Variants in FKBP5 observed in about 807,000 individuals in gnomAD.
FKBP5 encodes the protein peptidyl-prolyl cis-trans isomerase FKBP5.
In FKBP5, 23 loss-of-function variants were observed where a neutral mutation model predicts 50.5. The ratio of observed to expected loss-of-function variants is 0.46; its 90% CI spans 0.33 to 0.65. FKBP5 has a LOEUF of 0.65. FKBP5 is among the 30% of genes least tolerant of loss of function. The pLI, the probability that FKBP5 is intolerant of heterozygous loss-of-function variation, is 0.02. For synonymous variants in FKBP5, 176 were observed against 190.6 expected (o/e 0.92, Z 0.63); for missense variants, 411 against 553.1 (o/e 0.74, Z 2.58).
At chr6:35,592,418 C>A (rs181389927) in intron 6 of FKBP5, among the ~76,000 whole-genome samples, 1 of 152,142 alleles carries the variant, frequency 6.6e-6, no homozygotes, top group African/African-American at 2.4e-5. Flanking sequence ...AATAGAGATA[C>A]GAGAGCTGGT....
At chr6:35,726,870 C>G (rs553776393) in intron 1 of FKBP5, among the ~76,000 whole-genome samples, 1 of 152,244 alleles carries the variant, frequency 6.6e-6, no homozygotes, top group African/African-American at 2.4e-5. Flanking sequence ...GAGGAGAGGG[C>G]TCAAAGAAGA....
chr6:35,679,564 A>G (rs1382547660), intron 1 of FKBP5, among the ~76,000 whole-genome samples: 1 of 152,206 alleles, frequency 6.6e-6, no homozygotes, highest in Non-Finnish European at 1.5e-5. Flanking sequence ...AACATGGCAT[A>G]CACACACAAC....
intron 7 of FKBP5, among the ~76,000 whole-genome samples, chr6:35,587,441 T>C (rs901038199): frequency 6.6e-6 from 1 of 152,224 alleles, no homozygotes; most frequent in African/African-American, 2.4e-5. Flanking sequence ...CACACAAAGT[T>C]AAGGCCATGC....
At chr6:35,645,463 A>G (rs1764604798) in intron 1 of FKBP5, among the ~76,000 whole-genome samples, 1 of 152,174 alleles carries the variant, frequency 6.6e-6, no homozygotes, top group African/African-American at 2.4e-5. Flanking sequence ...AGAAAGAGAG[A>G]GAGGGAGAGA....
chr6:35,628,388 T>C (rs1348581231), intron 3 of FKBP5, among the ~76,000 whole-genome samples: 1 of 152,162 alleles, frequency 6.6e-6, no homozygotes, highest in Non-Finnish European at 1.5e-5. Flanking sequence ...CTTTTTCATA[T>C]GGGAGTAGAA....
In FKBP5 at chr6:35,576,267, C is replaced by T. The variant is rs141318427; in HGVS notation, c.1267-325G>A. Among the ~76,000 whole-genome samples the T allele has an allele frequency of 4.4e-3, 669 of 152,096 alleles. 5 individuals are homozygous for T. Among genetic ancestry groups the T allele is most frequent in the African/African-American group, 0.015 (612 of 41,478 alleles). Reference sequence around the variant, plus strand: ...CTGCCACATTTTTCAGGCTGGCTGCCGACCCTCAAGATAACAGGTGTGATG... The same window carrying T: ...CTGCCACATTTTTCAGGCTGGCTGCTGACCCTCAAGATAACAGGTGTGATG... On this transcript the variant is annotated intron_variant, in intron 10 of 10. Transcript: ENST00000357266.
chr6:35,690,550 C>T (rs9380526), upstream of FKBP5, among the ~76,000 whole-genome samples: 97,548 of 151,938 alleles, frequency 0.64, 31,564 homozygotes, highest in East Asian at 0.68. Context: ...GGTTCTGTCT[C>T]AGTCATTTGT....
rs192185311 is a variant in FKBP5 at position 35,627,910 on chromosome 6, C to A, written c.251-7636G>T. Reference sequence around the variant, plus strand: ...CCAAGTAGCTGGGATTATAGGCATGCGCCACCATGCCCAGCTAATTTTTTT... The same window carrying A: ...CCAAGTAGCTGGGATTATAGGCATGAGCCACCATGCCCAGCTAATTTTTTT... On this transcript the variant is annotated intron_variant, in intron 3 of 10. Transcript: ENST00000357266. 3.3e-5 allele frequency among the ~76,000 whole-genome samples: 5 copies of A among 149,836 alleles called. No individual in the cohort carries two copies. In the Admixed American group the frequency reaches 3.3e-4, roughly 10 times the overall value.
At chr6:35,686,999 G>A (rs1419698807) in intron 1 of FKBP5, among the ~76,000 whole-genome samples, 1 of 152,092 alleles carries the variant, frequency 6.6e-6, no homozygotes, top group Non-Finnish European at 1.5e-5. Flanking sequence ...CACAATTATT[G>A]GTTGAAGAGT....
rs550843459 is a variant in FKBP5 at position 35,708,924 on chromosome 6, C to T, written c.-20+11404G>A. On this transcript the variant is annotated intron_variant, in intron 2 of 11. Coordinates refer to the FKBP5 transcript ENST00000536438. ...ATGGAATCCTGGTATTGCCTGGCCA[C>T]TTACCTTTGGACTTCATTAGAGAGA... 4.6e-5 allele frequency among the ~76,000 whole-genome samples: 7 copies of T among 152,250 alleles called. No homozygotes were observed. In the South Asian group the frequency reaches 1.4e-3, roughly 32 times the overall value.
At chr6:35,624,548 T>A (rs1423409738) in intron 3 of FKBP5, among the ~76,000 whole-genome samples, 1 of 152,096 alleles carries the variant, frequency 6.6e-6, no homozygotes, top group Non-Finnish European at 1.5e-5. Context: ...CTGAGCATTT[T>A]CACAAAATAC....
At chr6:35,587,585 T>C (rs1054304472) in intron 7 of FKBP5, among the ~76,000 whole-genome samples, 4 of 152,216 alleles carry the variant, frequency 2.6e-5, no homozygotes, top group African/African-American at 9.6e-5. Flanking sequence ...CTGGGTCAGG[T>C]TGTCTTGCCA....
At chr6:35,621,027 T>C (rs527861011) in intron 3 of FKBP5, among the ~76,000 whole-genome samples, 1 of 152,116 alleles carries the variant, frequency 6.6e-6, no homozygotes, top group Non-Finnish European at 1.5e-5. Flanking sequence ...CAGAACAGGA[T>C]AAATTGCATA....
intron 2 of FKBP5, among the ~76,000 whole-genome samples, chr6:35,640,426 C>T (rs551380340): frequency 1.4e-3 from 208 of 152,300 alleles, no homozygotes; most frequent in African/African-American, 4.4e-3. Context: ...AGAACACTTA[C>T]CATGAATGGA....
chr6:35,582,030 G>A (rs190154604), intron 8 of FKBP5: 9 of 985,524 alleles, frequency 9.1e-6, no homozygotes, highest in South Asian at 4.7e-5. Flanking sequence ...AGCTCTGCCT[G>A]TAGAAAGGAA....
intron 1 of FKBP5, among the ~76,000 whole-genome samples, chr6:35,671,237 C>A (rs1422893095): frequency 2.7e-5 from 4 of 150,588 alleles, no homozygotes; most frequent in Admixed American, 1.3e-4. Flanking sequence ...GCACTCCAGC[C>A]TGGGTAAGAG....
intron 6 of FKBP5, among the ~76,000 whole-genome samples, chr6:35,592,461 A>G (rs1268431611): frequency 6.6e-6 from 1 of 152,160 alleles, no homozygotes; most frequent in East Asian, 1.9e-4. Flanking sequence ...GGTATCTTCC[A>G]CAAAGACATA....
In FKBP5 at chr6:35,646,835, G is replaced by A. The variant is rs533076778; in HGVS notation, c.-19-3992C>T. Among the ~76,000 whole-genome samples the A allele has an allele frequency of 6.6e-5, 10 of 152,288 alleles. No individual in the cohort carries two copies. In the East Asian group the frequency reaches 1.9e-3, roughly 29 times the overall value. On this transcript the variant is annotated intron_variant, in intron 1 of 10. Coordinates refer to ENST00000357266, the MANE Select transcript of FKBP5 (RefSeq NM_004117.4). ...CAGATAAGCATACACTCTCCAAAGT[G>A]CTAGTCAGCAAACACCTGAGACATA...
At chr6:35,681,884 T>C (rs986957953) in intron 1 of FKBP5, among the ~76,000 whole-genome samples, 1 of 152,128 alleles carries the variant, frequency 6.6e-6, no homozygotes, top group Non-Finnish European at 1.5e-5. Flanking sequence ...ATAATTCTGA[T>C]CACGCCACTG....
Sources: allele counts gnomAD v4.1 joint callset (sites outside exome capture counted in the v4.1 genomes callset), GRCh38; gene constraint gnomAD v4.1.1; transcripts MANE v1.5; gene names NCBI Gene and HGNC (gene_info 2026-07-23, HGNC 2026-07-21).